CHCHD6: variants seen among roughly 807,000 people sequenced by gnomAD.
CHCHD6 encodes the protein coiled-coil-helix-coiled-coil-helix domain containing 6, also known as MICOS complex subunit MIC25.
In CHCHD6, 28 loss-of-function variants were observed where a neutral mutation model predicts 32.3. That is an observed-to-expected ratio of 0.87 (90% CI 0.64 to 1.19). The LOEUF is 1.19. Among genes scored for constraint, CHCHD6 ranks in the 50% most tolerant of loss-of-function variants. The pLI is 0.00. For missense variants in CHCHD6, 333 were observed against 307.0 expected, an observed-to-expected ratio of 1.08 and a Z score of -0.63; for synonymous variants, 122 against 117.5, an observed-to-expected ratio of 1.04 and a Z score of -0.25.
At chr3:126,750,791 C>T (rs1936691273) in intron 4 of CHCHD6, among the ~76,000 whole-genome samples, 1 of 152,236 alleles carries the variant, frequency 6.6e-6, no homozygotes, top group African/African-American at 2.4e-5. Flanking sequence ...TTAACACTGC[C>T]CCATCTGTCA....
At chr3:126,815,245 A>G (rs906353283) in intron 4 of CHCHD6, among the ~76,000 whole-genome samples, 2 of 152,132 alleles carry the variant, frequency 1.3e-5, no homozygotes, top group African/African-American at 2.4e-5. Context: ...ATTATTTCCT[A>G]CCTGATCCTT....
intron 5 of CHCHD6, among the ~76,000 whole-genome samples, chr3:126,863,251 T>C (rs1357887361): frequency 8.3e-6 from 1 of 120,590 alleles, no homozygotes; most frequent in Non-Finnish European, 1.8e-5. Context: ...CATCACCACC[T>C]CCTCCTCCAC....
Position 126,742,550 on chromosome 3 carries a change from G to A in CHCHD6, c.411+9328G>A, listed in dbSNP as rs192912291. Among the ~76,000 whole-genome samples the A allele has an allele frequency of 2.6e-5, 4 of 152,294 alleles. No homozygotes were observed. The East Asian group carries it at 7.7e-4, about 29-fold the overall frequency. Reference sequence around the variant, plus strand: ...TGTGGCAGTATTGAGAGGTGATTGGGTCATGAGGGCTCTGCCATGATGAAT... The same window carrying A: ...TGTGGCAGTATTGAGAGGTGATTGGATCATGAGGGCTCTGCCATGATGAAT... On this transcript the variant is annotated intron_variant, in intron 4 of 7. Coordinates refer to ENST00000290913, the MANE Select transcript of CHCHD6 (RefSeq NM_032343.3).
chr3:126,735,313 TG>T (rs1258540212), intron 4 of CHCHD6, among the ~76,000 whole-genome samples: 1 of 152,230 alleles, frequency 6.6e-6, no homozygotes, highest in African/African-American at 2.4e-5. Flanking sequence ...GACTATCCCT[TG>T]GGGAAGAACT....
intron 4 of CHCHD6, among the ~76,000 whole-genome samples, chr3:126,844,464 C>T (rs771987373): frequency 3.3e-5 from 5 of 152,172 alleles, no homozygotes; most frequent in African/African-American, 4.8e-5. Flanking sequence ...AACTGCCCCT[C>T]TTTATATCTG....
intron 4 of CHCHD6, among the ~76,000 whole-genome samples, chr3:126,748,536 G>T (rs932927879): frequency 2.0e-5 from 3 of 151,386 alleles, no homozygotes; most frequent in Non-Finnish European, 4.4e-5. Flanking sequence ...CGGAGGTGGC[G>T]GTGAGCCGAG....
intron 5 of CHCHD6, chr3:126,865,545 G>T: frequency 1.0e-6 from 1 of 984,092 alleles, no homozygotes; most frequent in Non-Finnish European, 1.2e-6. Flanking sequence ...CCTCCTCCAC[G>T]TCCACTTGCA....
At chr3:126,959,585 G>A (rs371987861) in intron 7 of CHCHD6, among the ~76,000 whole-genome samples, 1 of 152,224 alleles carries the variant, frequency 6.6e-6, no homozygotes, top group East Asian at 1.9e-4. Flanking sequence ...ATGGTCAAGG[G>A]CCTTGGGGTG....
At chr3:126,957,842 A>C (rs1244750449) in intron 7 of CHCHD6, 1 of 498,418 alleles carries the variant, frequency 2.0e-6, no homozygotes, top group Non-Finnish European at 3.7e-6. Context: ...CCCCACCTTC[A>C]AGGGCCGGGC....
intron 4 of CHCHD6, among the ~76,000 whole-genome samples, chr3:126,821,736 G>C (rs150458618): frequency 8.5e-5 from 13 of 152,060 alleles, no homozygotes; most frequent in African/African-American, 2.9e-4. Context: ...CCTCATGCTT[G>C]TTCTTGTCTG....
At chr3:126,730,960 G>C (rs1935771719) in intron 3 of CHCHD6, among the ~76,000 whole-genome samples, 1 of 151,810 alleles carries the variant, frequency 6.6e-6, no homozygotes, top group Admixed American at 6.6e-5. Flanking sequence ...TAAAAAATTA[G>C]CTGGGGGTGG....
chr3:126,903,354 C>T (rs2077958444), intron 5 of CHCHD6, among the ~76,000 whole-genome samples: 1 of 152,164 alleles, frequency 6.6e-6, no homozygotes, highest in African/African-American at 2.4e-5. Context: ...TCCCTTAACC[C>T]TGGAATTCCC....
At chr3:126,811,825 C>T (rs944217145) in intron 4 of CHCHD6, among the ~76,000 whole-genome samples, 3 of 152,212 alleles carry the variant, frequency 2.0e-5, no homozygotes, top group African/African-American at 7.2e-5. Flanking sequence ...TCATGGGGGA[C>T]AGGGCCCAGT....
At chr3:126,908,888 C>T (rs986605553) in intron 5 of CHCHD6, among the ~76,000 whole-genome samples, 1 of 152,242 alleles carries the variant, frequency 6.6e-6, no homozygotes, top group African/African-American at 2.4e-5. Flanking sequence ...AAGAAACAGA[C>T]CCAGAGGTCT....
chr3:126,835,323 C>T (rs568376167), intron 4 of CHCHD6, among the ~76,000 whole-genome samples: 4 of 152,326 alleles, frequency 2.6e-5, no homozygotes, highest in South Asian at 2.1e-4. Flanking sequence ...GCCTGCCTGA[C>T]GTCGTTACGG....
chr3:126,709,481 G>A (rs1380391110), intron 1 of CHCHD6, among the ~76,000 whole-genome samples: 2 of 152,180 alleles, frequency 1.3e-5, no homozygotes, highest in Non-Finnish European at 2.9e-5. Context: ...AATGTTTTTA[G>A]TTCTCATGGA....
At chr3:126,877,078 A>G (rs1399559869) in intron 5 of CHCHD6, among the ~76,000 whole-genome samples, 2 of 152,194 alleles carry the variant, frequency 1.3e-5, no homozygotes, top group Non-Finnish European at 2.9e-5. Context: ...TGCTAAAATA[A>G]GGGGGAAAAA....
intron 4 of CHCHD6, among the ~76,000 whole-genome samples, chr3:126,748,619 AAAG>A (rs1936603117): frequency 1.3e-5 from 2 of 151,984 alleles, no homozygotes; most frequent in South Asian, 4.2e-4. Context: ...AAAAGAAAGA[AAAG>A]AAATTACCAT....
At chr3:126,789,349 A>G (rs1938401047) in intron 4 of CHCHD6, among the ~76,000 whole-genome samples, 1 of 152,176 alleles carries the variant, frequency 6.6e-6, no homozygotes, top group African/African-American at 2.4e-5. Flanking sequence ...CACTTGGTGC[A>G]GAGCTGAGTT....
Sources: allele counts gnomAD v4.1 joint callset (sites outside exome capture counted in the v4.1 genomes callset), GRCh38; gene constraint gnomAD v4.1.1; transcripts MANE v1.5; gene names NCBI Gene and HGNC (gene_info 2026-07-23, HGNC 2026-07-21).